The following CDC7 variants were observed in gnomAD, a reference collection of about 807,000 sequenced individuals.
The protein encoded by CDC7 is cell division cycle 7-related protein kinase.
A neutral mutation model predicts 53.5 loss-of-function variants in CDC7; 34 were observed. That is an observed-to-expected ratio of 0.64 (90% CI 0.48 to 0.85). The LOEUF (loss-of-function observed/expected upper bound fraction) is 0.85, where lower values mean the gene tolerates loss of function less well. Among genes scored for constraint, CDC7 ranks in the 40% least tolerant of loss-of-function variants. The pLI is 0.00. For missense variants in CDC7, 594 were observed against 679.7 expected, an observed-to-expected ratio of 0.87 and a Z score of 1.40; for synonymous variants, 211 against 222.8, an observed-to-expected ratio of 0.95 and a Z score of 0.47.
chr1:91,501,317 G>A (rs13447457), intron 1 of CDC7: 29 of 190,332 alleles, frequency 1.5e-4, no homozygotes, highest in African/African-American at 6.5e-4. Context: ...TTCTCCCTCA[G>A]TTCTTTTCCT....
intron 2 of CDC7, among the ~76,000 whole-genome samples, chr1:91,502,108 T>G (rs1476148373): frequency 1.3e-5 from 2 of 152,218 alleles, no homozygotes; most frequent in African/African-American, 2.4e-5. Flanking sequence ...TAAATTTCTC[T>G]TTTGTATCTG....
At chr1:91,511,114 C>A (rs1667265363) in intron 4 of CDC7, among the ~76,000 whole-genome samples, 1 of 152,066 alleles carries the variant, frequency 6.6e-6, no homozygotes, top group Non-Finnish European at 1.5e-5. Context: ...TTTTTGGTAT[C>A]TCTATTGTTT....
In CDC7 at chr1:91,511,632, T is replaced by A. The variant is rs781348040; in HGVS notation, c.371T>A (p.Phe124Tyr). ...QDNVMGVKYC[F>Y]RKNDHVVIAM... Reference sequence around the variant, plus strand: ...AATGTCATGGGAGTTAAATACTGCTTTAGGAAGAATGATCATGTAGTTATT... The same window carrying A: ...AATGTCATGGGAGTTAAATACTGCTATAGGAAGAATGATCATGTAGTTATT... The change falls in exon 5 of 12, where the codon TTT (phenylalanine) becomes TAT (tyrosine). Residue 124 changes from phenylalanine (F) to tyrosine (Y), a missense_variant. Coordinates refer to ENST00000234626, the MANE Select transcript of CDC7 (RefSeq NM_003503.4). 2 of 1,610,786 alleles carry A rather than the reference T, an allele frequency of 1.2e-6. No homozygotes were observed. Among genetic ancestry groups the A allele is most frequent in the Non-Finnish European group, 1.7e-6 (2 of 1,177,550 alleles).
chr1:91,520,746 G>T (rs1320948942), intron 11 of CDC7, among the ~76,000 whole-genome samples: 1 of 152,188 alleles, frequency 6.6e-6, no homozygotes, highest in Non-Finnish European at 1.5e-5. Flanking sequence ...TATTAATACA[G>T]TGTAATAAGG....
chr1:91,515,969 G>C, intron 10 of CDC7, 93 bp downstream of exon 10: 1 of 1,023,284 alleles, frequency 9.8e-7, no homozygotes, highest in Non-Finnish European at 1.5e-6. Context: ...ACTAATATTT[G>C]AGTTCTTCTG....
chr1:91,502,973 T>C (rs1326767420), intron 2 of CDC7, among the ~76,000 whole-genome samples: 1 of 152,292 alleles, frequency 6.6e-6, no homozygotes, highest in East Asian at 1.9e-4. Context: ...ACTGGACACA[T>C]AACACAGTAA....
chr1:91,513,861 A>C, intron 7 of CDC7, 87 bp from the exon 8 acceptor site: 1 of 924,148 alleles, frequency 1.1e-6, no homozygotes, highest in Non-Finnish European at 1.7e-6. Flanking sequence ...CATCTCACTT[A>C]ACTCTTTCAA....
chr1:91,513,121 A>G lies in CDC7; in HGVS notation c.636A>G (p.Lys212=). ...GTHDTKIELL[K]FVQSEAQQER... is the part of the protein sequence containing the mutation. ...ATGATACGAAAATAGAGCTTCTTAA[A>G]TTTGTCCAGTCTGAAGCTCAGCAGG... The change falls in exon 7 of 12, where the codon AAA becomes AAG. Residue 212 remains lysine, a synonymous_variant. Transcript: ENST00000234626. 6.2e-7 allele frequency: 1 copy of G among 1,613,626 alleles called. No homozygotes were observed. Among genetic ancestry groups the G allele is most frequent in the Non-Finnish European group, 8.5e-7 (1 of 1,179,676 alleles).
chr1:91,504,739 G>A (rs1318659717), intron 2 of CDC7, among the ~76,000 whole-genome samples: 1 of 152,110 alleles, frequency 6.6e-6, no homozygotes, highest in East Asian at 1.9e-4. Context: ...CTAGTTCCAG[G>A]AGGTATAAAC....
At chr1:91,523,300 G>A (rs951765874) in intron 11 of CDC7, among the ~76,000 whole-genome samples, 1 of 152,132 alleles carries the variant, frequency 6.6e-6, no homozygotes, top group African/African-American at 2.4e-5. Flanking sequence ...GGTTGGTCAA[G>A]AACAGCATCT....
At chr1:91,513,861 A>T in intron 7 of CDC7, 87 bp from the exon 8 acceptor site, 1 of 924,148 alleles carries the variant, frequency 1.1e-6, no homozygotes, top group Non-Finnish European at 1.7e-6. Context: ...CATCTCACTT[A>T]ACTCTTTCAA....
At chr1:91,519,515 A>T (rs1043304351) in intron 10 of CDC7, among the ~76,000 whole-genome samples, 7 of 152,200 alleles carry the variant, frequency 4.6e-5, no homozygotes, top group Non-Finnish European at 1.0e-4. Flanking sequence ...GTTTTCCAGG[A>T]TGTGATTATT....
At position 91,514,838 on chromosome 1, in the gene CDC7, C is replaced by T. The variant is rs1394448042; in HGVS notation, c.938C>T (p.Thr313Ile). ...TTACAGCTCATGAAGCAGTCAAAGA[C>T]TGTGGATGTACTGTCTAGAAAGTTA... Reference protein sequence around the residue: ...PAVKLMKQSKTVDVLSRKLAT... With the variant: ...PAVKLMKQSKIVDVLSRKLAT... The change falls in exon 9 of 12, where the codon ACT becomes ATT. Residue 313 changes from threonine (T) to isoleucine (I), a missense_variant. Transcript: ENST00000234626. 6.2e-7 allele frequency: 1 copy of T among 1,605,544 alleles called. No individual in the cohort carries two copies. Among genetic ancestry groups the T allele is most frequent in the South Asian group, 1.1e-5 (1 of 89,562 alleles).
intron 1 of CDC7, 193 bp from the exon 2 acceptor site, chr1:91,501,461 C>T (rs1666670711): frequency 2.6e-6 from 1 of 386,520 alleles, no homozygotes; most frequent in Admixed American, 4.1e-5. Flanking sequence ...TCCCTGCAGC[C>T]CCCTGCCGGT....
At chr1:91,520,850 A>G (rs1157730821) in intron 11 of CDC7, among the ~76,000 whole-genome samples, 8 of 152,142 alleles carry the variant, frequency 5.3e-5, no homozygotes, top group Admixed American at 5.2e-4. Context: ...CTGATGGGAT[A>G]TTATTGTAAG....
Position 91,501,666 on chromosome 1 carries a change from C to T in CDC7, c.-51C>T. 2 of 1,285,152 alleles carry T rather than the reference C, an allele frequency of 1.6e-6. No homozygotes were observed. The highest frequency in any genetic ancestry group is 1.2e-5 in the South Asian group (1 of 83,294). 79.6% of individuals were successfully genotyped at this position (1,285,152 alleles called of 1,614,324 possible). A position where few individuals can be genotyped will look rare whatever the true frequency, so the allele number is the denominator to read the frequency against. ...CTAATTTTCACAGCTGCTTTGCTCC[C>T]CCTGTGGATGTAACCCCTTAGCTGG... On this transcript the variant is annotated 5_prime_UTR_variant, in exon 2 of 12. Coordinates refer to ENST00000234626, the MANE Select transcript of CDC7 (RefSeq NM_003503.4).
chr1:91,500,959 G>C lies in CDC7; in HGVS notation c.-64+11G>C, dbSNP rs763057073. 6.6e-6 allele frequency: 1 copy of C among 152,260 alleles called. No homozygotes were observed. The highest frequency in any genetic ancestry group is 2.4e-5 in the African/African-American group (1 of 41,458). 9.4% of individuals were successfully genotyped at this position (152,260 alleles called of 1,614,324 possible). A position where few individuals can be genotyped will look rare whatever the true frequency, so the allele number is the denominator to read the frequency against. On this transcript the variant is annotated intron_variant, in intron 1 of 11. Transcript: ENST00000234626. Reference sequence around the variant, plus strand: ...GTACTCCCTTAAACCGTGAGTTTCCGACGGTTTGTTCCATGGCGCGGGATT... The same window carrying C: ...GTACTCCCTTAAACCGTGAGTTTCCCACGGTTTGTTCCATGGCGCGGGATT...
rs13447557 is a variant in CDC7, at chr1:91,524,592, AC to A, written c.*158del. 2.2e-3 allele frequency: 1,333 copies of A among 608,712 alleles called. 6 individuals are homozygous for A. Among genetic ancestry groups the A allele is most frequent in the African/African-American group, 0.021 (1,121 of 53,982 alleles). The allele number at this position is 608,712 out of a possible 1,614,324, so 37.7% of individuals were successfully genotyped here. On this transcript the variant is annotated 3_prime_UTR_variant, in exon 12 of 12. Coordinates refer to ENST00000234626, the MANE Select transcript of CDC7 (RefSeq NM_003503.4). ...ACATTCTAAAATATAGATTAAGAAT[AC>A]TTAAAATGCCTGGGATAGTTCTTGG...
Position 91,513,957 on chromosome 1 carries a change from G to A in CDC7, c.832G>A (p.Val278Ile), listed in dbSNP as rs559506095. The A allele has an allele frequency of 1.9e-6, 3 of 1,610,302 alleles. No individual in the cohort carries two copies. The Admixed American group carries it at 5.0e-5, about 27-fold the overall frequency. ...KQGKDGKEGSVGLSVQRSVFG... is the reference protein window; with the variant it reads ...KQGKDGKEGSIGLSVQRSVFG... ...TTTGTTGGTATTGTAGGAGGGATCT[G>A]TAGGCCTTTCTGTCCAGCGCTCTGT... The change falls in exon 8 of 12, where the codon GTA becomes ATA. Residue 278 changes from valine to isoleucine, a missense_variant. Val to Ile is a conservative substitution (Grantham distance 29). Coordinates refer to ENST00000234626, the MANE Select transcript of CDC7 (RefSeq NM_003503.4).
Sources: allele counts gnomAD v4.1 joint callset (sites outside exome capture counted in the v4.1 genomes callset), GRCh38; gene constraint gnomAD v4.1.1; transcripts MANE v1.5; gene names NCBI Gene and HGNC (gene_info 2026-07-23, HGNC 2026-07-21).